DIAPH3: variants seen among roughly 807,000 people sequenced by gnomAD.
DIAPH3 encodes the protein diaphanous related formin 3.
A neutral mutation model predicts 144.3 loss-of-function variants in DIAPH3; 117 were observed. The ratio of observed to expected loss-of-function variants is 0.81; its 90% confidence interval spans 0.70 to 0.95. The LOEUF (loss-of-function observed/expected upper bound fraction) is 0.95. Among genes scored for constraint, DIAPH3 ranks in the 40% least tolerant of loss-of-function variants. DIAPH3 has a pLI of 0.00. For synonymous variants in DIAPH3, 519 were observed against 488.9 expected, an observed-to-expected ratio of 1.06 and a Z score of -0.81; for missense variants, 1,421 against 1,412.7, an observed-to-expected ratio of 1.01 and a Z score of -0.09.
chr13:59,943,137 G>A (rs528412314), intron 17 of DIAPH3, among the ~76,000 whole-genome samples: 1 of 152,252 alleles, frequency 6.6e-6, no homozygotes, highest in East Asian at 1.9e-4. Context: ...CTTCTATCGA[G>A]TCTGAACAAA....
chr13:59,932,208 CATT>C, intron 17 of DIAPH3, among the ~76,000 whole-genome samples: 1 of 152,212 alleles, frequency 6.6e-6, no homozygotes, highest in South Asian at 2.1e-4. Context: ...CTTTTCTCAT[CATT>C]ATCAGTATCC....
chr13:59,878,691 G>A (rs996496438), intron 21 of DIAPH3, among the ~76,000 whole-genome samples: 3 of 152,134 alleles, frequency 2.0e-5, no homozygotes, highest in Non-Finnish European at 2.9e-5. Flanking sequence ...CCATTTTCAT[G>A]TCCTCTAGAA....
intron 27 of DIAPH3, among the ~76,000 whole-genome samples, chr13:59,670,393 C>A (rs1186513323): frequency 6.6e-6 from 1 of 152,168 alleles, no homozygotes; most frequent in African/African-American, 2.4e-5. Flanking sequence ...TCTCAGCACC[C>A]CAACAGCCCC....
At chr13:60,022,170 T>C (rs756570494) in intron 5 of DIAPH3, among the ~76,000 whole-genome samples, 2 of 152,208 alleles carry the variant, frequency 1.3e-5, no homozygotes, top group South Asian at 2.1e-4. Context: ...AGATTCTCTA[T>C]GTAAACAATC....
Position 59,992,846 on chromosome 13 carries a change from GAA to G in DIAPH3, c.1015-265_1015-264del, listed in dbSNP as rs200815478. 0.16 allele frequency among the ~76,000 whole-genome samples: 11,116 copies of G among 69,982 alleles called. 622 individuals carry two copies. The highest frequency in any genetic ancestry group is 0.49 in the East Asian group (1,740 of 3,576). The allele number at this position is 69,982 out of a possible 152,430, so 45.9% of individuals were successfully genotyped here. On this transcript the variant is annotated intron_variant, in intron 9 of 27. Transcript: ENST00000400324. ...GTTACTACTGCTCCATAAAAAAATA[GAA>G]AAAAAAAAAAAAAAACACTTGTAAC...
chr13:59,889,533 C>T (rs2045659759), intron 20 of DIAPH3, among the ~76,000 whole-genome samples: 2 of 151,890 alleles, frequency 1.3e-5, no homozygotes, highest in Admixed American at 6.6e-5. Context: ...AGATCATTTG[C>T]TTTAGTTCTT....
At chr13:59,817,211 T>G (rs1343313345) in intron 24 of DIAPH3, among the ~76,000 whole-genome samples, 5 of 151,946 alleles carry the variant, frequency 3.3e-5, no homozygotes, top group African/African-American at 1.2e-4. Context: ...CTATATACAC[T>G]AATCAAATCA....
At chr13:59,924,714 A>G in intron 18 of DIAPH3, 61 bp downstream of exon 18, 1 of 1,562,742 alleles carries the variant, frequency 6.4e-7, no homozygotes, top group Non-Finnish European at 8.7e-7. Context: ...CTTAAAGAAA[A>G]TGAAATCATT....
chr13:59,884,846 T>C (rs2045331973), intron 20 of DIAPH3, among the ~76,000 whole-genome samples: 1 of 151,192 alleles, frequency 6.6e-6, no homozygotes, highest in Non-Finnish European at 1.5e-5. Flanking sequence ...ATCAAAACTG[T>C]TTTTAAAATA....
At chr13:59,695,082 A>G (rs1201491035) in intron 27 of DIAPH3, among the ~76,000 whole-genome samples, 4 of 152,212 alleles carry the variant, frequency 2.6e-5, no homozygotes, top group Non-Finnish European at 5.9e-5. Flanking sequence ...AACCACTGCC[A>G]TAGCTTCTAG....
chr13:59,848,428 C>G (rs140800023), intron 22 of DIAPH3, among the ~76,000 whole-genome samples: 11,459 of 150,826 alleles, frequency 0.076, 1,176 homozygotes, highest in African/African-American at 0.25. Flanking sequence ...AACTCGTCAT[C>G]TAGCCTTAGG....
At chr13:59,907,326 T>A (rs1485852721) in intron 20 of DIAPH3, among the ~76,000 whole-genome samples, 1 of 152,136 alleles carries the variant, frequency 6.6e-6, no homozygotes, top group Admixed American at 6.5e-5. Flanking sequence ...ATGGCCTTAT[T>A]CATTACAAGC....
At chr13:59,746,816 C>G (rs1051914627) in intron 27 of DIAPH3, among the ~76,000 whole-genome samples, 1 of 152,084 alleles carries the variant, frequency 6.6e-6, no homozygotes, top group African/African-American at 2.4e-5. Flanking sequence ...CCACTGACAG[C>G]GTATTTCTCA....
intron 4 of DIAPH3, among the ~76,000 whole-genome samples, chr13:60,091,240 T>C (rs1363834272): frequency 2.0e-5 from 3 of 152,176 alleles, no homozygotes; most frequent in African/African-American, 4.8e-5. Context: ...TCACCTCCTA[T>C]TACATATATG....
At chr13:59,812,437 A>C (rs2040535494) in intron 24 of DIAPH3, among the ~76,000 whole-genome samples, 1 of 152,214 alleles carries the variant, frequency 6.6e-6, no homozygotes, top group African/African-American at 2.4e-5. Flanking sequence ...GAGAAGGAAG[A>C]GTGCATAAGA....
chr13:60,078,613 C>G (rs750676381), intron 4 of DIAPH3, among the ~76,000 whole-genome samples: 1 of 151,824 alleles, frequency 6.6e-6, no homozygotes, highest in African/African-American at 2.4e-5. Context: ...TGTCATGAAT[C>G]TAACATACCT....
intron 27 of DIAPH3, among the ~76,000 whole-genome samples, chr13:59,767,121 T>G (rs7986481): frequency 0.34 from 51,966 of 152,002 alleles, 9,331 homozygotes; most frequent in African/African-American, 0.44. Context: ...AGAGATCCAG[T>G]AAGACCAAAG....
intron 27 of DIAPH3, among the ~76,000 whole-genome samples, chr13:59,715,581 C>T (rs188058994): frequency 1.1e-4 from 16 of 152,068 alleles, no homozygotes; most frequent in Admixed American, 8.5e-4. Flanking sequence ...TATCACTGTA[C>T]AGTCCTGACC....
chr13:59,971,273 G>C (rs2050359802), intron 15 of DIAPH3, 113 bp from the exon 16 acceptor site: 1 of 998,374 alleles, frequency 1.0e-6, no homozygotes, highest in African/African-American at 1.6e-5. Flanking sequence ...TTACATATCA[G>C]TAATTTCATA....
Sources: gnomAD v4.1 joint callset for allele counts (sites outside exome capture counted in the v4.1 genomes callset) on GRCh38, gnomAD v4.1.1 for gene constraint, MANE v1.5 for transcripts, NCBI Gene and HGNC (gene_info 2026-07-23, HGNC 2026-07-21) for gene names.